The following KIF18A variants were observed in gnomAD, a reference collection of about 807,000 sequenced individuals.
The protein encoded by KIF18A is kinesin family member 18A.
KIF18A carries 67 observed loss-of-function variants against 103.3 expected under a neutral mutation model. That is an observed-to-expected ratio of 0.65 (90% CI 0.53 to 0.79). The LOEUF (loss-of-function observed/expected upper bound fraction) is 0.79. KIF18A is among the 30% of genes least tolerant of loss of function. The pLI, the probability that KIF18A is intolerant of heterozygous loss-of-function variation, is 0.00. For missense variants in KIF18A, 1,032 were observed against 1,062.5 expected, an observed-to-expected ratio of 0.97 and a Z score of 0.40; for synonymous variants, 367 against 355.5, an observed-to-expected ratio of 1.03 and a Z score of -0.36.
chr11:28,059,247 A>G, intron 12 of KIF18A, 86 bp from the exon 13 acceptor site: 2 of 882,202 alleles, frequency 2.3e-6, no homozygotes, highest in African/African-American at 1.7e-5. Flanking sequence ...CACCCAAAGC[A>G]TTAGCATATC....
intron 15 of KIF18A, among the ~76,000 whole-genome samples, chr11:28,027,911 GC>G (rs1324051819): frequency 6.6e-6 from 1 of 151,766 alleles, no homozygotes; most frequent in Non-Finnish European, 1.5e-5. Context: ...AAAACTCCAG[GC>G]CAATATCCCT....
intron 9 of KIF18A, 152 bp from the exon 10 acceptor site, chr11:28,077,321 C>T (rs1004347345): frequency 2.0e-6 from 1 of 507,306 alleles, no homozygotes; most frequent in African/African-American, 2.0e-5. Flanking sequence ...TGACTATTTC[C>T]TATTATAAAA....
chr11:28,049,990 C>T (rs1169758237), intron 13 of KIF18A, among the ~76,000 whole-genome samples: 2 of 151,866 alleles, frequency 1.3e-5, no homozygotes, highest in Non-Finnish European at 2.9e-5. Flanking sequence ...TTATGAGACA[C>T]TCTCATGGTT....
At chr11:28,087,988 A>C (rs931780323) in intron 6 of KIF18A, among the ~76,000 whole-genome samples, 1 of 152,172 alleles carries the variant, frequency 6.6e-6, no homozygotes, top group Non-Finnish European at 1.5e-5. Flanking sequence ...CTTCTGGCAT[A>C]TGGTATATGT....
At chr11:28,027,074 A>G (rs1850331038) in intron 15 of KIF18A, among the ~76,000 whole-genome samples, 1 of 151,836 alleles carries the variant, frequency 6.6e-6, no homozygotes, top group African/African-American at 2.4e-5. Context: ...AAGATACTCT[A>G]TGTAGCACAA....
intron 11 of KIF18A, among the ~76,000 whole-genome samples, chr11:28,069,038 T>A (rs1017161836): frequency 2.0e-5 from 3 of 152,172 alleles, no homozygotes; most frequent in African/African-American, 2.4e-5. Flanking sequence ...ACATAATGAA[T>A]CCTCAAGTGC....
intron 13 of KIF18A, among the ~76,000 whole-genome samples, chr11:28,054,214 T>A (rs891784349): frequency 6.8e-6 from 1 of 146,988 alleles, no homozygotes; most frequent in African/African-American, 2.5e-5. Context: ...CTCATCAGAT[T>A]TTTTTTTTTT....
rs1039468765 is a variant in KIF18A, at chr11:28,084,428, A to T, written c.1074+204T>A. 15 of 534 alleles carry T rather than the reference A, an allele frequency of 0.028. No individual in the cohort carries two copies. In the Non-Finnish European group the frequency reaches 0.39, roughly 14 times the overall value. 0.0% of individuals were successfully genotyped at this position (534 alleles called of 1,614,324 possible). A position where few individuals can be genotyped will look rare whatever the true frequency, so the allele number is the denominator to read the frequency against. ...AAAAGATCGAATAATAGTATCTATT[A>T]TATATATATATATATAATCAAGATG... is the stretch of plus-strand genomic sequence containing the variant. On this transcript the variant is annotated intron_variant, in intron 7 of 16. Transcript: ENST00000263181.
intron 10 of KIF18A, 68 bp from the exon 11 acceptor site, chr11:28,069,491 C>T (rs1850982420): frequency 1.4e-6 from 2 of 1,425,300 alleles, no homozygotes; most frequent in African/African-American, 2.9e-5. Flanking sequence ...TATTAGTAAA[C>T]TAGTATATTT....
chr11:28,031,545 C>T (rs566273253), intron 15 of KIF18A, among the ~76,000 whole-genome samples: 48 of 151,732 alleles, frequency 3.2e-4, no homozygotes, highest in Middle Eastern at 3.4e-3. Flanking sequence ...GTAGGGGGAG[C>T]GCAGAGGGAA....
chr11:28,024,955 A>C (rs1850296468), intron 15 of KIF18A, among the ~76,000 whole-genome samples: 1 of 152,078 alleles, frequency 6.6e-6, no homozygotes, highest in Non-Finnish European at 1.5e-5. Flanking sequence ...ATTCTCCTAC[A>C]CATATCTATG....
chr11:28,073,523 C>A (rs1395241770), intron 10 of KIF18A, among the ~76,000 whole-genome samples: 1 of 152,072 alleles, frequency 6.6e-6, no homozygotes, highest in Non-Finnish European at 1.5e-5. Flanking sequence ...ATTGGTTCAG[C>A]CACATTAATT....
Position 28,062,333 on chromosome 11 carries a change from T to C in KIF18A, c.1712+62A>G, listed in dbSNP as rs563925370. Reference sequence around the variant, plus strand: ...AACTCAACTTTCTGGCAGTGGAAAATTGAACTTCTGTGCTTCAGATATAGT... The same window carrying C: ...AACTCAACTTTCTGGCAGTGGAAAACTGAACTTCTGTGCTTCAGATATAGT... On this transcript the variant is annotated intron_variant, in intron 12 of 16. Transcript: ENST00000263181. 108 of 1,443,234 alleles carry C rather than the reference T, an allele frequency of 7.5e-5. 2 individuals are homozygous for C. In the East Asian group the frequency reaches 1.3e-3, roughly 18 times the overall value. The allele number at this position is 1,443,234 out of a possible 1,614,324, so 89.4% of individuals were successfully genotyped here.
Position 28,094,626 on chromosome 11 carries a change from C to T in KIF18A, c.483+17G>A, listed in dbSNP as rs3947649. ...TGATTTCCCAAAACTATTGATTAAT[C>T]TAAATTCCCAACTTACCTCCAGATA... On this transcript the variant is annotated intron_variant, in intron 3 of 16. Transcript: ENST00000263181. 1 of 1,578,742 alleles carries T rather than the reference C, an allele frequency of 6.3e-7. No individual in the cohort carries two copies. Among genetic ancestry groups the T allele is most frequent in the Admixed American group, 1.7e-5 (1 of 58,938 alleles).
intron 15 of KIF18A, among the ~76,000 whole-genome samples, chr11:28,034,823 G>GATCTCAGGCTCTCCATCCTGGC (rs1473182902): frequency 2.0e-5 from 3 of 151,660 alleles, no homozygotes; most frequent in Non-Finnish European, 4.4e-5. Flanking sequence ...TTTTCTCTGG[G>GATCTCAGGCTCTCCATCCTGGC]ATCTCAGGCT....
At chr11:28,060,444 C>G (rs1023239250) in intron 12 of KIF18A, among the ~76,000 whole-genome samples, 3 of 152,108 alleles carry the variant, frequency 2.0e-5, no homozygotes, top group African/African-American at 7.2e-5. Flanking sequence ...AAATTGTGAC[C>G]TTTTTCCTTT....
At position 28,059,169 on chromosome 11, in the gene KIF18A, C is replaced by A; in HGVS notation, c.1713-8G>T. ...AGTAAAGCATTCAATACTCTATATA[C>A]AGAAGATGAGAAGAAAGGAGAGATA... is the stretch of plus-strand genomic sequence containing the variant. On this transcript the variant is annotated splice_region_variant and splice_polypyrimidine_tract_variant and intron_variant, in intron 12 of 16. Transcript: ENST00000263181. 6.4e-7 allele frequency: 1 copy of A among 1,562,964 alleles called. No individual in the cohort carries two copies. Among genetic ancestry groups the A allele is most frequent in the Non-Finnish European group, 8.8e-7 (1 of 1,135,652 alleles).
At chr11:28,093,959 C>T (rs1851335022) in intron 3 of KIF18A, among the ~76,000 whole-genome samples, 1 of 152,148 alleles carries the variant, frequency 6.6e-6, no homozygotes, top group Non-Finnish European at 1.5e-5. Flanking sequence ...CAGACCACAG[C>T]ATAATAAAAC....
In KIF18A at chr11:28,097,900, AACT is replaced by A. The variant is rs1232489707; in HGVS notation, c.45_47del (p.Val16del). 6.2e-7 allele frequency: 1 copy of A among 1,605,212 alleles called. No homozygotes were observed. The highest frequency in any genetic ancestry group is 8.5e-7 in the Non-Finnish European group (1 of 1,176,698). On this transcript the variant is annotated inframe_deletion, in exon 2 of 17. Coordinates refer to ENST00000263181, the MANE Select transcript of KIF18A (RefSeq NM_031217.4). ...CTTTAGTGTTTTCCGGACGTACACG[AACT>A]ACTACTTTCATATGGTGGCACAGGT...
Sources: allele counts gnomAD v4.1 joint callset (sites outside exome capture counted in the v4.1 genomes callset), GRCh38; gene constraint gnomAD v4.1.1; transcripts MANE v1.5; gene names NCBI Gene and HGNC (gene_info 2026-07-23, HGNC 2026-07-21).